The following DLGAP2 variants were observed in gnomAD, a reference collection of about 807,000 sequenced individuals.
The protein encoded by DLGAP2 is disks large-associated protein 2.
Under a neutral mutation model 100.3 loss-of-function variants are expected in DLGAP2, and 26 were observed. The observed-to-expected ratio is 0.26, with a 90% CI of 0.19 to 0.36. DLGAP2 has a LOEUF of 0.36. Among genes scored for constraint, DLGAP2 ranks in the 10% least tolerant of loss-of-function variants. DLGAP2 has a pLI of 1.00. For synonymous variants in DLGAP2, 886 were observed against 630.1 expected, an observed-to-expected ratio of 1.41 and a Z score of -6.08; for missense variants, 1,858 against 1,453.2, an observed-to-expected ratio of 1.28 and a Z score of -4.53.
At position 1,195,851 on chromosome 8, in the gene DLGAP2, A is replaced by G. The variant is rs146658311; in HGVS notation, c.74-63000A>G. ...TGCAGCGGTAGATACGTTCTGCGAA[A>G]ACGCTTCCAAATGAGGGTCATTTTT... On this transcript the variant is annotated intron_variant, in intron 2 of 14. Coordinates refer to ENST00000637795, the MANE Select transcript of DLGAP2 (RefSeq NM_001346810.2). Among the ~76,000 whole-genome samples, 865 of 152,298 alleles carry G rather than the reference A, an allele frequency of 5.7e-3. 5 individuals are homozygous for G. Among genetic ancestry groups the G allele is most frequent in the African/African-American group, 0.019 (799 of 41,562 alleles).
intron 3 of DLGAP2, among the ~76,000 whole-genome samples, chr8:1,429,024 A>G (rs557338089): frequency 6.6e-6 from 1 of 152,356 alleles, no homozygotes; most frequent in Admixed American, 6.5e-5. Context: ...ACAGCAGTTC[A>G]TAAATTGGGC....
intron 2 of DLGAP2, among the ~76,000 whole-genome samples, chr8:1,023,770 T>C (rs1045143573): frequency 5.9e-5 from 9 of 151,956 alleles, no homozygotes; most frequent in Non-Finnish European, 1.2e-4. Context: ...TGCAGCGAGA[T>C]GGGGCATTCC....
At chr8:858,159 C>T (rs977110580) in intron 1 of DLGAP2, among the ~76,000 whole-genome samples, 1 of 152,208 alleles carries the variant, frequency 6.6e-6, no homozygotes, top group East Asian at 1.9e-4. Flanking sequence ...GCCCAGTGCA[C>T]ATGAATGTTT....
chr8:1,279,477 C>T (rs543088172), intron 3 of DLGAP2, among the ~76,000 whole-genome samples: 1 of 152,274 alleles, frequency 6.6e-6, no homozygotes. Flanking sequence ...AATTAATATA[C>T]CAAGAAGGTG....
At chr8:1,023,788 ATGTC>A (rs777705562) in intron 2 of DLGAP2, among the ~76,000 whole-genome samples, 3 of 149,972 alleles carry the variant, frequency 2.0e-5, no homozygotes, top group East Asian at 2.0e-4. Context: ...TCCCGTTTCA[ATGTC>A]TGTCTGTGTT....
intron 4 of DLGAP2, among the ~76,000 whole-genome samples, chr8:1,544,823 C>A (rs951165978): frequency 5.3e-5 from 8 of 151,468 alleles, no homozygotes; most frequent in Admixed American, 1.3e-4. Flanking sequence ...ACTTCTGCCT[C>A]CCGGGTTCAA....
intron 2 of DLGAP2, among the ~76,000 whole-genome samples, chr8:922,135 C>T (rs947124820): frequency 7.9e-5 from 12 of 152,332 alleles, no homozygotes; most frequent in African/African-American, 2.6e-4. Flanking sequence ...TCCTTGTTTT[C>T]AGAGGCGCCG....
intron 2 of DLGAP2, among the ~76,000 whole-genome samples, chr8:1,015,108 CTGTGTGAGACCAGGACAGACGAT>C (rs1801418718): frequency 1.4e-4 from 2 of 14,658 alleles, no homozygotes; most frequent in African/African-American, 8.1e-4. Context: ...GACGCCTCCA[CTGTGTGAGACCAGGACAGACGAT>C]GCCTCCACTG....
chr8:1,370,437 G>T (rs750575966), intron 3 of DLGAP2, among the ~76,000 whole-genome samples: 2 of 152,124 alleles, frequency 1.3e-5, no homozygotes, highest in Non-Finnish European at 1.5e-5. Context: ...AAAATAGTGA[G>T]GTGGAAAATG....
chr8:826,516 C>T (rs1214722035), intron 1 of DLGAP2, among the ~76,000 whole-genome samples: 2 of 152,196 alleles, frequency 1.3e-5, no homozygotes, highest in African/African-American at 4.8e-5. Flanking sequence ...TTTAGTGTTA[C>T]AGAATTTCCC....
At chr8:1,657,919 C>T (rs968606100) in intron 8 of DLGAP2, among the ~76,000 whole-genome samples, 4 of 151,930 alleles carry the variant, frequency 2.6e-5, no homozygotes, top group African/African-American at 9.7e-5. Flanking sequence ...TTTTAGGGGG[C>T]GAAAAGTTTA....
At chr8:1,476,364 A>G (rs1372889093) in intron 3 of DLGAP2, among the ~76,000 whole-genome samples, 3 of 152,208 alleles carry the variant, frequency 2.0e-5, no homozygotes, top group Non-Finnish European at 4.4e-5. Context: ...TCTCGGCTGC[A>G]TCACAAAGTA....
intron 2 of DLGAP2, among the ~76,000 whole-genome samples, chr8:1,018,264 A>G (rs1002325375): frequency 9.9e-5 from 15 of 152,050 alleles, no homozygotes; most frequent in African/African-American, 3.4e-4. Context: ...ACACCATAGG[A>G]CTTCCTTCTT....
At chr8:1,455,708 A>G (rs1798293670) in intron 3 of DLGAP2, among the ~76,000 whole-genome samples, 1 of 152,040 alleles carries the variant, frequency 6.6e-6, no homozygotes, top group Non-Finnish European at 1.5e-5. Context: ...CACGCCCCCC[A>G]TTTATATATT....
At chr8:1,081,617 C>T (rs907144899) in intron 2 of DLGAP2, among the ~76,000 whole-genome samples, 6 of 152,206 alleles carry the variant, frequency 3.9e-5, no homozygotes, top group African/African-American at 1.4e-4. Flanking sequence ...TCCCAAAGTG[C>T]ATGGATTACA....
rs878016 is a variant in DLGAP2, at chr8:1,650,120, T to C, written c.1810+17074T>C. 8.4e-3 allele frequency among the ~76,000 whole-genome samples: 1,279 copies of C among 152,174 alleles called. 19 individuals carry two copies. The highest frequency in any genetic ancestry group is 0.029 in the African/African-American group (1,213 of 41,550). On this transcript the variant is annotated intron_variant, in intron 8 of 14. Coordinates refer to ENST00000637795, the MANE Select transcript of DLGAP2 (RefSeq NM_001346810.2). ...TTCTGTAATAAAAACGAGTATTTCT[T>C]GTATCCATTTATTGGTTTACAGCAG... is the stretch of plus-strand genomic sequence containing the variant.
At position 740,008 on chromosome 8, in the gene DLGAP2, T is replaced by A. The variant is rs1437485435; in HGVS notation, c.18+2183T>A. On this transcript the variant is annotated intron_variant, in intron 1 of 14. Transcript: ENST00000637795. The stretch of plus-strand genomic sequence containing the variant: ...CTCAGTGATGACCTGGGACGCATCC[T>A]GCCTCTGTGCGCCATTCCTGCCCCT... The A allele has an allele frequency of 2.0e-5, 3 of 152,324 alleles. No homozygotes were observed. The East Asian group carries it at 5.8e-4, about 29-fold the overall frequency. The allele number at this position is 152,324 out of a possible 1,614,324, so 9.4% of individuals were successfully genotyped here.
At chr8:1,652,598 C>G (rs964068073) in intron 8 of DLGAP2, among the ~76,000 whole-genome samples, 7 of 152,120 alleles carry the variant, frequency 4.6e-5, no homozygotes, top group Non-Finnish European at 1.0e-4. Context: ...TCTGTCAGGT[C>G]AACGACACCT....
intron 2 of DLGAP2, among the ~76,000 whole-genome samples, chr8:1,227,153 G>GATAGATATAT (rs796173465): frequency 5.6e-5 from 5 of 89,746 alleles, no homozygotes; most frequent in South Asian, 4.1e-4. Context: ...GAAACTGTGA[G>GATAGATATAT]ATATATATAT....
Sources: allele counts gnomAD v4.1 joint callset (sites outside exome capture counted in the v4.1 genomes callset), GRCh38; gene constraint gnomAD v4.1.1; transcripts MANE v1.5; gene names NCBI Gene and HGNC (gene_info 2026-07-23, HGNC 2026-07-21).